Variants in ZDHHC14 observed in about 807,000 individuals in gnomAD.
The protein encoded by ZDHHC14 is palmitoyltransferase ZDHHC14.
ZDHHC14 carries 16 observed loss-of-function variants against 47.7 expected under a neutral mutation model. That is an observed-to-expected ratio of 0.34 (90% CI 0.23 to 0.51). ZDHHC14 has a LOEUF of 0.51. ZDHHC14 is among the 20% of genes least tolerant of loss of function. The pLI, the probability that ZDHHC14 is intolerant of heterozygous loss-of-function variation, is 0.97. For missense variants in ZDHHC14, 515 were observed against 662.5 expected, an observed-to-expected ratio of 0.78 and a Z score of 2.44; for synonymous variants, 293 against 278.9, an observed-to-expected ratio of 1.05 and a Z score of -0.50.
At chr6:157,647,414 C>T (rs781270328) in intron 7 of ZDHHC14, 46 bp downstream of exon 7, 7 of 1,504,546 alleles carry the variant, frequency 4.7e-6, no homozygotes, top group African/African-American at 2.8e-5. Context: ...CTTGGAAAAC[C>T]GAATGCCTCG....
chr6:157,474,669 T>C (rs749426099), intron 1 of ZDHHC14, among the ~76,000 whole-genome samples: 1 of 146,334 alleles, frequency 6.8e-6, no homozygotes, highest in Non-Finnish European at 1.5e-5. Flanking sequence ...ATTAGAGATA[T>C]GCAACATTCC....
chr6:157,433,774 G>A (rs4709243), intron 1 of ZDHHC14, among the ~76,000 whole-genome samples: 72,856 of 152,030 alleles, frequency 0.48, 17,570 homozygotes, highest in East Asian at 0.61. Context: ...GCCTTGACGA[G>A]TGTCCTTTTC....
Position 157,445,144 on chromosome 6 carries a change from A to ACACACACT in ZDHHC14, c.245+62879_245+62880insACACACTC, listed in dbSNP as rs376300431. Among the ~76,000 whole-genome samples, 463 of 146,930 alleles carry ACACACACT rather than the reference A, an allele frequency of 3.2e-3. 3 individuals are homozygous for ACACACACT. Among genetic ancestry groups the ACACACACT allele is most frequent in the African/African-American group, 7.1e-3 (273 of 38,312 alleles). ...CACACACACACACACACACACACAC[A>ACACACACT]CTCTTCATATCTATCTATCTATCAT... On this transcript the variant is annotated intron_variant, in intron 1 of 8. Transcript: ENST00000359775.
rs150349360 is a variant in ZDHHC14 at position 157,533,774 on chromosome 6, C to T, written c.246-8811C>T. ...CTTTGATGGGCTCAGGAGGCTGCAA[C>T]GTGGAAAGCCCTCAAGCAGACACCT... On this transcript the variant is annotated intron_variant, in intron 1 of 8. Coordinates refer to ENST00000359775, the MANE Select transcript of ZDHHC14 (RefSeq NM_024630.3). Among the ~76,000 whole-genome samples, 233 of 152,298 alleles carry T rather than the reference C, an allele frequency of 1.5e-3. 1 individual carries two copies. The highest frequency in any genetic ancestry group is 5.2e-3 in the African/African-American group (217 of 41,550).
intron 1 of ZDHHC14, among the ~76,000 whole-genome samples, chr6:157,466,703 T>C (rs1340505901): frequency 2.0e-5 from 3 of 151,950 alleles, no homozygotes; most frequent in African/African-American, 7.3e-5. Flanking sequence ...CTGGGTGTGG[T>C]GGCAGGCACC....
intron 8 of ZDHHC14, among the ~76,000 whole-genome samples, chr6:157,659,012 C>T (rs602237): frequency 0.73 from 111,631 of 152,114 alleles, 41,294 homozygotes; most frequent in African/African-American, 0.83. Flanking sequence ...AGATTTTTTA[C>T]TTTTCCCTTG....
chr6:157,567,264 G>A (rs558144192), intron 2 of ZDHHC14, among the ~76,000 whole-genome samples: 1 of 152,152 alleles, frequency 6.6e-6, no homozygotes, highest in Non-Finnish European at 1.5e-5. Flanking sequence ...GGGTAATGAG[G>A]TGTGATCTAA....
chr6:157,447,093 G>A (rs778761026), intron 1 of ZDHHC14, among the ~76,000 whole-genome samples: 1 of 151,928 alleles, frequency 6.6e-6, no homozygotes, highest in Non-Finnish European at 1.5e-5. Context: ...ACTTCAGCCC[G>A]GATGATGTGA....
intron 1 of ZDHHC14, among the ~76,000 whole-genome samples, chr6:157,425,708 A>C (rs1156562797): frequency 6.6e-6 from 1 of 152,168 alleles, no homozygotes; most frequent in Admixed American, 6.5e-5. Context: ...GTAGAAACTA[A>C]AATTCTTGCC....
intron 1 of ZDHHC14, among the ~76,000 whole-genome samples, chr6:157,408,109 T>C (rs149245947): frequency 1.7e-3 from 255 of 152,354 alleles, no homozygotes; most frequent in African/African-American, 5.8e-3. Flanking sequence ...GCTATATCTC[T>C]GTTTTATACA....
intron 3 of ZDHHC14, among the ~76,000 whole-genome samples, chr6:157,595,174 ATTTTTTTTTTTT>A (rs777568494): frequency 4.8e-5 from 3 of 62,700 alleles, no homozygotes; most frequent in African/African-American, 7.4e-5. Context: ...TCTAGGCTAG[ATTTTTTTTTTTT>A]TTTTTTTTTT....
At chr6:157,425,339 T>C (rs1351493938) in intron 1 of ZDHHC14, among the ~76,000 whole-genome samples, 1 of 152,196 alleles carries the variant, frequency 6.6e-6, no homozygotes, top group Non-Finnish European at 1.5e-5. Flanking sequence ...AATTCTCTTA[T>C]GGTTTGAGTA....
At chr6:157,522,227 T>C (rs1010670972) in intron 1 of ZDHHC14, among the ~76,000 whole-genome samples, 2 of 152,202 alleles carry the variant, frequency 1.3e-5, no homozygotes, top group African/African-American at 4.8e-5. Flanking sequence ...TTTTGTGCAG[T>C]ATATTCATTC....
chr6:157,613,488 T>C (rs1005570656), intron 3 of ZDHHC14, among the ~76,000 whole-genome samples: 1 of 152,190 alleles, frequency 6.6e-6, no homozygotes, highest in African/African-American at 2.4e-5. Flanking sequence ...AAGGATTCCA[T>C]TGACTTATGC....
rs563756632 is a variant in ZDHHC14, at chr6:157,633,149, G to T, written c.752+267G>T. On this transcript the variant is annotated intron_variant, in intron 5 of 8. Transcript: ENST00000359775. ...TCAGCATGGATTTGTGTTCAGTCAG[G>T]TTGGTTTGGGGAGAAGTAGGGCTGT... Among the ~76,000 whole-genome samples the T allele has an allele frequency of 2.0e-5, 3 of 152,258 alleles. No individual in the cohort carries two copies. In the East Asian group the frequency reaches 5.8e-4, roughly 29 times the overall value.
At chr6:157,556,926 C>G (rs367548428) in intron 2 of ZDHHC14, among the ~76,000 whole-genome samples, 2 of 152,046 alleles carry the variant, frequency 1.3e-5, no homozygotes, top group East Asian at 3.9e-4. Context: ...CTGAGGGGCT[C>G]GGGTTAGAGA....
At chr6:157,561,264 G>A (rs140582698) in intron 2 of ZDHHC14, among the ~76,000 whole-genome samples, 5,254 of 152,292 alleles carry the variant, frequency 0.034, 123 homozygotes, top group Non-Finnish European at 0.055. Flanking sequence ...CAGGGACAAA[G>A]CTCAGAGGCC....
intron 2 of ZDHHC14, among the ~76,000 whole-genome samples, chr6:157,557,523 T>C (rs1782524943): frequency 6.6e-6 from 1 of 152,148 alleles, no homozygotes; most frequent in African/African-American, 2.4e-5. Flanking sequence ...GGTGAGTCGT[T>C]GGTTAGATGT....
At chr6:157,455,039 G>A (rs528903608) in intron 1 of ZDHHC14, among the ~76,000 whole-genome samples, 3 of 152,242 alleles carry the variant, frequency 2.0e-5, no homozygotes, top group East Asian at 1.9e-4. Flanking sequence ...GCAAACTGAC[G>A]GGCCCATCCA....
Sources: gnomAD v4.1 joint callset for allele counts (sites outside exome capture counted in the v4.1 genomes callset) on GRCh38, gnomAD v4.1.1 for gene constraint, MANE v1.5 for transcripts, NCBI Gene and HGNC (gene_info 2026-07-23, HGNC 2026-07-21) for gene names.